TWSG1: variants seen among roughly 807,000 people sequenced by gnomAD.
TWSG1 encodes twisted gastrulation BMP signaling modulator 1.
Under a neutral mutation model 23.0 loss-of-function variants are expected in TWSG1, and 15 were observed. The ratio of observed to expected loss-of-function variants is 0.65; its 90% CI spans 0.44 to 1.00. The LOEUF (loss-of-function observed/expected upper bound fraction) is 1.00, where lower values mean the gene tolerates loss of function less well. Ranked by LOEUF, TWSG1 falls within the 50% of genes least tolerant of loss-of-function variation. The pLI, the probability that TWSG1 is intolerant of heterozygous loss-of-function variation, is 0.00. For synonymous variants in TWSG1, 86 were observed against 92.8 expected (o/e 0.93, Z 0.42); for missense variants, 242 against 278.7 (o/e 0.87, Z 0.94).
At position 9,372,050 on chromosome 18, in the gene TWSG1, C is replaced by A. The variant is rs147303997; in HGVS notation, c.223+11979C>A. On this transcript the variant is annotated intron_variant, in intron 3 of 4. Coordinates refer to ENST00000262120, the MANE Select transcript of TWSG1 (RefSeq NM_020648.6). ...AAAGTGCTGGGATTACAGCCGTGAGCCATCGCGCCTGGCCAACGTTTTTAT... is the reference window on the plus strand; with the variant it reads ...AAAGTGCTGGGATTACAGCCGTGAGACATCGCGCCTGGCCAACGTTTTTAT... Among the ~76,000 whole-genome samples, 1,147 of 152,178 alleles carry A rather than the reference C, an allele frequency of 7.5e-3. 10 individuals carry two copies. Among genetic ancestry groups the A allele is most frequent in the Non-Finnish European group, 0.013 (862 of 68,004 alleles).
chr18:9,379,324 C>T (rs974493156), intron 3 of TWSG1, among the ~76,000 whole-genome samples: 22 of 152,234 alleles, frequency 1.4e-4, no homozygotes, highest in African/African-American at 5.1e-4. Flanking sequence ...CCATGGAATA[C>T]TCTGCAGCCA....
At chr18:9,389,363 A>T (rs959278505) in intron 3 of TWSG1, among the ~76,000 whole-genome samples, 3 of 152,204 alleles carry the variant, frequency 2.0e-5, no homozygotes, top group Non-Finnish European at 4.4e-5. Flanking sequence ...GCTTTTTGAT[A>T]CCACTTAAAG....
chr18:9,371,772 C>CTTTTTTTTT (rs11379317), intron 3 of TWSG1, among the ~76,000 whole-genome samples: 1 of 134,760 alleles, frequency 7.4e-6, no homozygotes, highest in Non-Finnish European at 1.6e-5. Context: ...CATTTTTATT[C>CTTTTTTTTT]TTTTTTTTTT....
intron 3 of TWSG1, among the ~76,000 whole-genome samples, chr18:9,392,891 G>A (rs545704026): frequency 1.3e-5 from 2 of 152,240 alleles, no homozygotes; most frequent in South Asian, 4.1e-4. Context: ...CAAAAGAGAG[G>A]GAGAGATACA....
At chr18:9,355,350 A>T (rs2040521448) in intron 2 of TWSG1, among the ~76,000 whole-genome samples, 1 of 152,158 alleles carries the variant, frequency 6.6e-6, no homozygotes. Context: ...TTCATCACAG[A>T]GAGTTGTTCT....
rs2040767051 is a variant in TWSG1 at position 9,402,408 on chromosome 18, AAAATT to A, written c.*2882_*2886del. 1 of 152,212 alleles carries A rather than the reference AAAATT, an allele frequency of 6.6e-6. No homozygotes were observed. Among genetic ancestry groups the A allele is most frequent in the Admixed American group, 6.5e-5 (1 of 15,284 alleles). 9.4% of individuals were successfully genotyped at this position (152,212 alleles called of 1,614,324 possible). On this transcript the variant is annotated 3_prime_UTR_variant, in exon 5 of 5. Transcript: ENST00000262120. ...TATTAACAAAAAAGTATTTTAATAAAAAATTGAAATGAGTGAGTCATATTTTTTGT... is the reference window on the plus strand; with the variant it reads ...TATTAACAAAAAAGTATTTTAATAAAGAAATGAGTGAGTCATATTTTTTGT...
intron 3 of TWSG1, among the ~76,000 whole-genome samples, chr18:9,364,796 A>G (rs920371177): frequency 2.7e-5 from 4 of 146,154 alleles, no homozygotes; most frequent in Non-Finnish European, 6.1e-5. Context: ...TCTGTCTCAG[A>G]AAAAAAAAAA....
At chr18:9,372,674 T>C (rs2040611397) in intron 3 of TWSG1, among the ~76,000 whole-genome samples, 4 of 151,782 alleles carry the variant, frequency 2.6e-5, no homozygotes, top group South Asian at 4.1e-4. Context: ...ACATTACCCA[T>C]GAAGTGATAT....
At chr18:9,398,004 CA>C (rs573745689) in intron 4 of TWSG1, among the ~76,000 whole-genome samples, 378 of 84,734 alleles carry the variant, frequency 4.5e-3, no homozygotes, top group African/African-American at 0.012. Flanking sequence ...AACTCCATCT[CA>C]AAAAAAAAAA....
intron 3 of TWSG1, among the ~76,000 whole-genome samples, chr18:9,366,747 A>G (rs1040874408): frequency 6.6e-6 from 1 of 152,146 alleles, no homozygotes; most frequent in African/African-American, 2.4e-5. Context: ...TTTCTGTTTT[A>G]AGAAAAACTA....
In TWSG1 at chr18:9,402,192, G is replaced by A. The variant is rs922105763; in HGVS notation, c.*2665G>A. The A allele has an allele frequency of 6.6e-6, 1 of 152,028 alleles. No individual in the cohort carries two copies. The highest frequency in any genetic ancestry group is 1.5e-5 in the Non-Finnish European group (1 of 67,996). The allele number at this position is 152,028 out of a possible 1,614,324, so 9.4% of individuals were successfully genotyped here. A position where few individuals can be genotyped will look rare whatever the true frequency, so the allele number is the denominator to read the frequency against. ...ATTTGGACCATTATTTATAATCAGG[G>A]TAGCATTAAAATGGAGAAAAGAAAG... is the stretch of plus-strand genomic sequence containing the variant. On this transcript the variant is annotated 3_prime_UTR_variant, in exon 5 of 5. Coordinates refer to ENST00000262120, the MANE Select transcript of TWSG1 (RefSeq NM_020648.6).
intron 2 of TWSG1, among the ~76,000 whole-genome samples, chr18:9,341,069 T>C (rs1329229497): frequency 6.6e-6 from 1 of 152,154 alleles, no homozygotes; most frequent in Non-Finnish European, 1.5e-5. Flanking sequence ...TCTCTGTGTA[T>C]ATATGTGTGT....
intron 2 of TWSG1, among the ~76,000 whole-genome samples, chr18:9,354,690 T>C (rs570019280): frequency 6.6e-6 from 1 of 152,334 alleles, no homozygotes; most frequent in African/African-American, 2.4e-5. Context: ...GATTAAATTA[T>C]GTTGACAGAT....
At chr18:9,389,958 T>A (rs2040704304) in intron 3 of TWSG1, among the ~76,000 whole-genome samples, 1 of 152,248 alleles carries the variant, frequency 6.6e-6, no homozygotes. Context: ...GTGTAGTTTA[T>A]TAAGTGTGCA....
At chr18:9,392,099 C>G (rs552757618) in intron 3 of TWSG1, among the ~76,000 whole-genome samples, 1 of 152,262 alleles carries the variant, frequency 6.6e-6, no homozygotes, top group Non-Finnish European at 1.5e-5. Context: ...TGGCTTCAAC[C>G]CAAAGTTACT....
Position 9,399,364 on chromosome 18 carries a change from T to C in TWSG1, c.509T>C (p.Val170Ala). 1.2e-6 allele frequency: 2 copies of C among 1,607,420 alleles called. No homozygotes were observed. The highest frequency in any genetic ancestry group is 1.7e-6 in the Non-Finnish European group (2 of 1,178,346). Reference sequence around the variant, plus strand: ...TTTTCAGAACACATGTGTACTGTGGTTTATTTTGATGACTGCATGTCCATA... The same window carrying C: ...TTTTCAGAACACATGTGTACTGTGGCTTATTTTGATGACTGCATGTCCATA... ...SSDKEHMCTVVYFDDCMSIHQ... is the reference protein window; with the variant it reads ...SSDKEHMCTVAYFDDCMSIHQ... The change falls in exon 5 of 5, where the codon GTT becomes GCT. Residue 170 changes from valine (V) to alanine (A), a missense_variant. Transcript: ENST00000262120.
Position 9,399,389 on chromosome 18 carries a change from A to G in TWSG1, c.534A>G (p.Ile178Met). 5.6e-6 allele frequency: 9 copies of G among 1,613,752 alleles called. No homozygotes were observed. Among genetic ancestry groups the G allele is most frequent in the Non-Finnish European group, 6.8e-6 (8 of 1,179,910 alleles). Reference protein sequence around the residue: ...TVVYFDDCMSIHQCKISCESM... With the variant: ...TVVYFDDCMSMHQCKISCESM... ...TTTATTTTGATGACTGCATGTCCATACATCAGTGTAAAATATCCTGTGAGT... is the reference window on the plus strand; with the variant it reads ...TTTATTTTGATGACTGCATGTCCATGCATCAGTGTAAAATATCCTGTGAGT... Residue 178 changes from isoleucine to methionine, a missense_variant, in exon 5 of 5, where the codon ATA becomes ATG. Ile to Met is a conservative substitution (Grantham distance 10). Transcript: ENST00000262120.
intron 3 of TWSG1, among the ~76,000 whole-genome samples, chr18:9,364,622 C>T (rs770982087): frequency 1.3e-4 from 20 of 151,792 alleles, no homozygotes; most frequent in African/African-American, 3.9e-4. Flanking sequence ...GACGAAATCC[C>T]GTCACTACTA....
intron 2 of TWSG1, among the ~76,000 whole-genome samples, chr18:9,343,048 C>A (rs2040453026): frequency 6.6e-6 from 1 of 151,782 alleles, no homozygotes; most frequent in Admixed American, 6.6e-5. Flanking sequence ...CTTTGTTATT[C>A]TCTCTAGAAA....
Sources: allele counts gnomAD v4.1 joint callset (sites outside exome capture counted in the v4.1 genomes callset), GRCh38; gene constraint gnomAD v4.1.1; transcripts MANE v1.5; gene names NCBI Gene and HGNC (gene_info 2026-07-23, HGNC 2026-07-21).